GRID2: variants seen among roughly 807,000 people sequenced by gnomAD.
The protein encoded by GRID2 is glutamate ionotropic receptor delta type subunit 2.
Under a neutral mutation model 114.8 loss-of-function variants are expected in GRID2, and 33 were observed. That is an observed-to-expected ratio of 0.29 (90% confidence interval 0.22 to 0.38). The LOEUF (loss-of-function observed/expected upper bound fraction) is 0.38. Ranked by LOEUF, GRID2 falls within the 10% of genes least tolerant of loss-of-function variation. The pLI, the probability that GRID2 is intolerant of heterozygous loss-of-function variation, is 1.00. For synonymous variants in GRID2, 505 were observed against 449.9 expected (o/e 1.12, Z -1.55); for missense variants, 1,184 against 1,257.7 (o/e 0.94, Z 0.89).
intron 1 of GRID2, among the ~76,000 whole-genome samples, chr4:92,328,948 G>T (rs912973470): frequency 5.3e-5 from 8 of 151,878 alleles, no homozygotes; most frequent in Non-Finnish European, 1.2e-4. Flanking sequence ...GAGAAGATTG[G>T]ACTTGAAGCT....
intron 2 of GRID2, among the ~76,000 whole-genome samples, chr4:92,829,259 T>A (rs1027272488): frequency 2.6e-5 from 4 of 152,266 alleles, no homozygotes; most frequent in East Asian, 3.9e-4. Context: ...CCAGCACCAT[T>A]TATTAAATAG....
chr4:92,837,590 A>G (rs1218268559), intron 2 of GRID2, among the ~76,000 whole-genome samples: 1 of 152,070 alleles, frequency 6.6e-6, no homozygotes, highest in Non-Finnish European at 1.5e-5. Flanking sequence ...GATGAAAAAT[A>G]TGAAATTCCA....
At chr4:92,449,681 A>C (rs1720790697) in intron 1 of GRID2, among the ~76,000 whole-genome samples, 1 of 115,184 alleles carries the variant, frequency 8.7e-6, no homozygotes, top group South Asian at 2.8e-4. Flanking sequence ...TTACTGATAT[A>C]TATATATATA....
chr4:93,471,701 T>TTTTTTTTTGTTTTGTTTTG (rs1192600388), intron 11 of GRID2, among the ~76,000 whole-genome samples: 19 of 96,654 alleles, frequency 2.0e-4, no homozygotes, highest in African/African-American at 7.9e-4. Flanking sequence ...GAATTCAATT[T>TTTTTTTTTGTTTTGTTTTG]TTTTTTTTTT....
At chr4:93,689,602 T>C (rs1235450385) in intron 14 of GRID2, among the ~76,000 whole-genome samples, 2 of 152,010 alleles carry the variant, frequency 1.3e-5, no homozygotes, top group African/African-American at 4.8e-5. Flanking sequence ...CATTTTCTCT[T>C]TGTTCCATCC....
At chr4:93,233,331 TA>T (rs11316839) in intron 7 of GRID2, among the ~76,000 whole-genome samples, 10,215 of 107,326 alleles carry the variant, frequency 0.095, 573 homozygotes, top group African/African-American at 0.19. Context: ...TTATTATTAT[TA>T]TTATTTTTTT....
intron 1 of GRID2, among the ~76,000 whole-genome samples, chr4:92,321,150 G>A (rs944898667): frequency 6.6e-6 from 1 of 152,142 alleles, no homozygotes; most frequent in African/African-American, 2.4e-5. Flanking sequence ...AAGGAAACTT[G>A]TGCTCCAAGG....
chr4:93,186,925 T>A (rs1156426721), intron 4 of GRID2, among the ~76,000 whole-genome samples: 1 of 152,150 alleles, frequency 6.6e-6, no homozygotes, highest in Non-Finnish European at 1.5e-5. Context: ...GGCTAAGAAG[T>A]CCAAAGTCAA....
intron 4 of GRID2, among the ~76,000 whole-genome samples, chr4:93,138,577 G>C (rs888396235): frequency 6.6e-6 from 1 of 152,102 alleles, no homozygotes; most frequent in Non-Finnish European, 1.5e-5. Flanking sequence ...AGATACTGCT[G>C]TAACTACTCC....
chr4:93,084,553 A>G (rs557811494), intron 2 of GRID2, among the ~76,000 whole-genome samples: 150 of 152,332 alleles, frequency 9.8e-4, no homozygotes, highest in Non-Finnish European at 2.0e-3. Flanking sequence ...ACCGGTTTAC[A>G]TATTATCTAC....
At chr4:92,526,685 A>G (rs1411763899) in intron 1 of GRID2, among the ~76,000 whole-genome samples, 2 of 151,978 alleles carry the variant, frequency 1.3e-5, no homozygotes, top group Non-Finnish European at 2.9e-5. Context: ...GCCTTAAGTT[A>G]GGTCAATTCT....
At chr4:93,795,223 C>T (rs1013176934) in intron 1 of GRID2, among the ~76,000 whole-genome samples, 1 of 151,740 alleles carries the variant, frequency 6.6e-6, no homozygotes, top group Admixed American at 6.6e-5. Context: ...AGTAGTGTGA[C>T]TATAACAGGT....
At chr4:93,095,669 AT>A (rs1731154091) in intron 3 of GRID2, among the ~76,000 whole-genome samples, 1 of 152,016 alleles carries the variant, frequency 6.6e-6, no homozygotes, top group African/African-American at 2.4e-5. Flanking sequence ...AAAACATAAT[AT>A]CAAATACCCA....
chr4:92,437,379 A>C (rs986413006), intron 1 of GRID2, among the ~76,000 whole-genome samples: 8 of 152,204 alleles, frequency 5.3e-5, no homozygotes, highest in Non-Finnish European at 8.8e-5. Flanking sequence ...ACCCAGGTTC[A>C]AGCGATTCTC....
intron 8 of GRID2, among the ~76,000 whole-genome samples, chr4:93,390,123 G>A (rs866156801): frequency 4.6e-5 from 7 of 152,080 alleles, no homozygotes; most frequent in Admixed American, 6.6e-5. Flanking sequence ...TTTCAACCTT[G>A]GCTATACATT....
chr4:92,465,674 A>G (rs1409596589), intron 1 of GRID2, among the ~76,000 whole-genome samples: 1 of 152,096 alleles, frequency 6.6e-6, no homozygotes, highest in Non-Finnish European at 1.5e-5. Flanking sequence ...ATAAAGCAAC[A>G]TCATCTCATT....
chr4:92,894,490 A>G (rs141555592), intron 2 of GRID2, among the ~76,000 whole-genome samples: 1 of 152,268 alleles, frequency 6.6e-6, no homozygotes, highest in African/African-American at 2.4e-5. Flanking sequence ...TAAATAAACT[A>G]CAAGTACAGA....
At chr4:92,888,228 A>G (rs1280402109) in intron 2 of GRID2, among the ~76,000 whole-genome samples, 2 of 152,176 alleles carry the variant, frequency 1.3e-5, no homozygotes, top group African/African-American at 4.8e-5. Context: ...TCTAATTATT[A>G]ACTCCAGAAC....
At chr4:92,711,649 T>A (rs1445370923) in intron 2 of GRID2, among the ~76,000 whole-genome samples, 1 of 152,164 alleles carries the variant, frequency 6.6e-6, no homozygotes, top group Non-Finnish European at 1.5e-5. Context: ...ACGCCTGTAA[T>A]CCAAGCACTT....
Sources: allele counts gnomAD v4.1 joint callset (sites outside exome capture counted in the v4.1 genomes callset), GRCh38; gene constraint gnomAD v4.1.1; transcripts MANE v1.5; gene names NCBI Gene and HGNC (gene_info 2026-07-23, HGNC 2026-07-21).